The following TJP3 variants were observed in gnomAD, a reference collection of about 807,000 sequenced individuals.
TJP3 encodes tight junction protein 3, also known as tight junction protein ZO-3.
A neutral mutation model predicts 104.2 loss-of-function variants in TJP3; 85 were observed. That is an observed-to-expected ratio of 0.82 (90% confidence interval 0.68 to 0.98). The LOEUF is 0.98. Ranked by LOEUF, TJP3 falls within the 50% of genes least tolerant of loss-of-function variation. TJP3 has a pLI of 0.00. For synonymous variants in TJP3, 550 were observed against 550.6 expected (o/e 1.00, Z 0.02); for missense variants, 1,367 against 1,322.8 (o/e 1.03, Z -0.52).
intron 1 of TJP3, among the ~76,000 whole-genome samples, chr19:3,723,475 A>AT (rs954509892): frequency 6.6e-6 from 1 of 152,106 alleles, no homozygotes; most frequent in Admixed American, 6.6e-5. Flanking sequence ...AATAAAGATG[A>AT]TTTTTAGATG....
chr19:3,743,716 G>A (rs1490663477), intron 14 of TJP3: 12 of 500,256 alleles, frequency 2.4e-5, no homozygotes, highest in South Asian at 1.7e-4. Context: ...GCGGAACCCA[G>A]AAATGTACAC....
In TJP3 at chr19:3,737,357, G is replaced by T. The variant is rs192444988; in HGVS notation, c.1284+1036G>T. Among the ~76,000 whole-genome samples, 361 of 152,048 alleles carry T rather than the reference G, an allele frequency of 2.4e-3. 1 individual carries two copies. Among genetic ancestry groups the T allele is most frequent in the Middle Eastern group, 6.8e-3 (2 of 294 alleles). On this transcript the variant is annotated intron_variant, in intron 11 of 20. Transcript: ENST00000541714. ...GTTCCTGACATTGGCTGTGTTGACC[G>T]TGTCATGACCGTCTTGTATGTCCTA... is the stretch of plus-strand genomic sequence containing the variant.
Position 3,730,564 on chromosome 19 carries a change from C to A in TJP3, c.471C>A (p.Ala157=), listed in dbSNP as rs554835600. 1 of 1,606,388 alleles carries A rather than the reference C, an allele frequency of 6.2e-7. No homozygotes were observed. The highest frequency in any genetic ancestry group is 8.5e-7 in the Non-Finnish European group (1 of 1,178,380). Residue 157 remains alanine (A), a synonymous_variant, in exon 5 of 21, where the codon GCC becomes GCA. Coordinates refer to ENST00000541714, the MANE Select transcript of TJP3 (RefSeq NM_001267560.2). This position sits in a 1 kb window ranked among gnomAD's most constrained non-coding sequence, Gnocchi z 7.3. The part of the protein sequence containing the change: ...RRPRPGRRGR[A]GSHGRRSPGG... ...CGAGGCCTGGTCGCCGGGGCCGGGC[C>A]GGCAGCCATGGGCGTAGGAGCCCAG... is the stretch of plus-strand genomic sequence containing the variant.
Position 3,730,195 on chromosome 19 carries a change from G to C in TJP3, c.261+65G>C. 3 of 1,564,994 alleles carry C rather than the reference G, an allele frequency of 1.9e-6. No homozygotes were observed. The highest frequency in any genetic ancestry group is 1.8e-6 in the Non-Finnish European group (2 of 1,136,728). On this transcript the variant is annotated intron_variant, in intron 4 of 20. Transcript: ENST00000541714. The surrounding 1 kb of genome is among the most constrained non-coding windows in gnomAD (Gnocchi z 7.3). ...CCAGCCTGGGTCGTGCCGCTGTGGGGGTTGTAAGCTTCTGAGAGCAAGGAG... is the reference window on the plus strand; with the variant it reads ...CCAGCCTGGGTCGTGCCGCTGTGGGCGTTGTAAGCTTCTGAGAGCAAGGAG...
intron 19 of TJP3, 93 bp downstream of exon 19, chr19:3,748,174 G>A (rs2036932900): frequency 1.4e-6 from 2 of 1,426,034 alleles, no homozygotes; most frequent in African/African-American, 2.9e-5. Context: ...TTTCTACCAG[G>A]ACGTCAACAA....
At chr19:3,735,076 G>C (rs1480808309) in intron 8 of TJP3, among the ~76,000 whole-genome samples, 3 of 152,152 alleles carry the variant, frequency 2.0e-5, no homozygotes, top group African/African-American at 7.2e-5. Context: ...ATGTTGCCCA[G>C]GCTGGTCTTG....
intron 1 of TJP3, among the ~76,000 whole-genome samples, chr19:3,710,973 G>T (rs754970569): frequency 4.0e-5 from 6 of 149,786 alleles, no homozygotes; most frequent in Admixed American, 2.0e-4. Flanking sequence ...GCGCGATCTC[G>T]GCTCACTGCA....
chr19:3,740,773 G>A lies in TJP3; in HGVS notation c.1843+10G>A, dbSNP rs112931167. 225,918 of 1,544,576 alleles carry A rather than the reference G, an allele frequency of 0.15. 18,312 individuals carry two copies. Among genetic ancestry groups the A allele is most frequent in the Admixed American group, 0.26 (12,879 of 49,492 alleles). On this transcript the variant is annotated intron_variant, in intron 14 of 20. Transcript: ENST00000541714. ...GTGGTGTTGCGAGAAGGTGGGGCCC[G>A]GAGCTGGAGGGGCCCTGGGGAGGCC... is the stretch of plus-strand genomic sequence containing the variant.
chr19:3,730,509 G>A lies in TJP3; in HGVS notation c.416G>A (p.Gly139Asp), dbSNP rs778542044. The A allele has an allele frequency of 5.0e-6, 8 of 1,588,788 alleles. No homozygotes were observed. The South Asian group carries it at 9.0e-5, about 18-fold the overall frequency. ...GACGGCGACTCATCCAGTGGCTCCGGCCGCTCCTGGGACGAGCGCTCCCGC... is the reference window on the plus strand; with the variant it reads ...GACGGCGACTCATCCAGTGGCTCCGACCGCTCCTGGGACGAGCGCTCCCGC... Reference protein sequence around the residue: ...GYDGDSSSGSGRSWDERSRRP... With the variant: ...GYDGDSSSGSDRSWDERSRRP... The change falls in exon 5 of 21, where the codon GGC (glycine) becomes GAC (aspartate). Residue 139 changes from glycine to aspartate, a missense_variant. By Grantham distance (94) the Gly-to-Asp change is moderately conservative (BLOSUM62 -1). Transcript: ENST00000541714. This position sits in a 1 kb window ranked among gnomAD's most constrained non-coding sequence, Gnocchi z 7.3.
intron 1 of TJP3, among the ~76,000 whole-genome samples, chr19:3,727,591 G>A (rs1050584941): frequency 6.6e-6 from 1 of 151,958 alleles, no homozygotes; most frequent in African/African-American, 2.4e-5. Flanking sequence ...TTGAATCCCT[G>A]CTGCAACTCA....
At position 3,734,433 on chromosome 19, in the gene TJP3, CGT is replaced by C. The variant is rs1568383898; in HGVS notation, c.986+1_986+2del. 6.2e-7 allele frequency: 1 copy of C among 1,604,644 alleles called. No homozygotes were observed. Among genetic ancestry groups the C allele is most frequent in the South Asian group, 1.1e-5 (1 of 90,036 alleles). The part of the protein sequence containing the change: ...SPEASQTDSP[V>X]ESPRLRRESS... ...CCGAGGCCAGCCAGACCGACTCTCC[CGT>C]GTAAGTATCACCCATCGGCCAGAAT... On this transcript the variant is annotated frameshift_variant and splice_region_variant, in exon 8 of 21. Coordinates refer to ENST00000541714, the MANE Select transcript of TJP3 (RefSeq NM_001267560.2). LOFTEE classifies it high-confidence loss of function.
chr19:3,721,963 G>C lies in TJP3; in HGVS notation c.-9-6461G>C, dbSNP rs1055540862. On this transcript the variant is annotated intron_variant, in intron 1 of 20. Transcript: ENST00000541714. The stretch of plus-strand genomic sequence containing the variant: ...GGAGGGGCTCGGGCTGAGGTGGGGT[G>C]GGGGGAAAGCAGGGTTTGGGAGTCG... The C allele has an allele frequency of 2.9e-6, 3 of 1,039,450 alleles. No individual in the cohort carries two copies. In the East Asian group the frequency reaches 9.7e-5, roughly 34 times the overall value. The allele number at this position is 1,039,450 out of a possible 1,614,324, so 64.4% of individuals were successfully genotyped here. A position where few individuals can be genotyped will look rare whatever the true frequency, so the allele number is the denominator to read the frequency against.
rs1450285054 is a variant in TJP3 at position 3,711,736 on chromosome 19, C to CAA, written c.-10+3189_-10+3190dup. ...TGAAACCCTGTCTCTACTAAAAGTA[C>CAA]AAAAAAAAAAAAAAAGGTGCTTTAT... On this transcript the variant is annotated intron_variant, in intron 1 of 20. Transcript: ENST00000541714. Among the ~76,000 whole-genome samples, 26 of 24,650 alleles carry CAA rather than the reference C, an allele frequency of 1.1e-3. 1 individual carries two copies. Among genetic ancestry groups the CAA allele is most frequent in the African/African-American group, 2.9e-3 (24 of 8,346 alleles). The allele number at this position is 24,650 out of a possible 152,430, so 16.2% of individuals were successfully genotyped here. A position where few individuals can be genotyped will look rare whatever the true frequency, so the allele number is the denominator to read the frequency against.
chr19:3,722,562 G>A lies in TJP3; in HGVS notation c.-9-5862G>A, dbSNP rs768871618. On this transcript the variant is annotated intron_variant, in intron 1 of 20. Transcript: ENST00000541714. ...AGGGGTGGGGTGAGCAAGCCGGCTG[G>A]GGTGCGCCGTGGCGGGGGCGGGGCG... 4.2e-3 allele frequency among the ~76,000 whole-genome samples: 632 copies of A among 150,854 alleles called. 7 individuals carry two copies. The highest frequency in any genetic ancestry group is 6.1e-3 in the Non-Finnish European group (413 of 67,474).
intron 1 of TJP3, among the ~76,000 whole-genome samples, chr19:3,710,644 G>A (rs1467801456): frequency 6.6e-6 from 1 of 152,200 alleles, no homozygotes; most frequent in Non-Finnish European, 1.5e-5. Flanking sequence ...CTTTGGAATG[G>A]ATTGAGGTTA....
rs754295283 is a variant in TJP3, at chr19:3,750,185, G to C, written c.2657+1G>C. The C allele has an allele frequency of 1.2e-6, 2 of 1,603,146 alleles. No homozygotes were observed. Among genetic ancestry groups the C allele is most frequent in the African/African-American group, 1.4e-5 (1 of 72,408 alleles). ...GACAGTGGCGACAGGACAGCATGCG[G>C]TAAGAACCCCATATTCCAGATTGGG... is the stretch of plus-strand genomic sequence containing the variant. On this transcript the variant is annotated splice_donor_variant, in intron 20 of 20. Transcript: ENST00000541714. LOFTEE classifies it high-confidence loss of function.
At chr19:3,725,122 TGTG>T (rs1252244122) in intron 1 of TJP3, among the ~76,000 whole-genome samples, 1 of 152,024 alleles carries the variant, frequency 6.6e-6, no homozygotes, top group African/African-American at 2.4e-5. Flanking sequence ...ATATGCTGTG[TGTG>T]GTGGTGCATG....
At chr19:3,748,197 T>TGGTCA in intron 19 of TJP3, 116 bp downstream of exon 19, 2 of 1,324,486 alleles carry the variant, frequency 1.5e-6, no homozygotes, top group Non-Finnish European at 2.0e-6. Context: ...ACGGCTTCCC[T>TGGTCA]GGTCAGACTG....
Position 3,746,837 on chromosome 19 carries a change from A to T in TJP3, c.2283A>T (p.Arg761=), listed in dbSNP as rs1311961653. 1 of 1,610,718 alleles carries T rather than the reference A, an allele frequency of 6.2e-7. No homozygotes were observed. Residue 761 remains arginine, a synonymous_variant, in exon 18 of 21, where the codon CGA becomes CGT. Transcript: ENST00000541714. This position sits in a 1 kb window ranked among gnomAD's most constrained non-coding sequence, Gnocchi z 4.1. ...TWYQELKAII[R]EQQTRPIWTA... is the part of the protein sequence containing the mutation. The stretch of plus-strand genomic sequence containing the variant: ...ACCAGGAGCTCAAGGCCATCATTCG[A>T]GAGCAGCAGACGCGGCCCATCTGGA...
Sources: gnomAD v4.1 joint callset for allele counts (sites outside exome capture counted in the v4.1 genomes callset) on GRCh38, gnomAD v4.1.1 for gene constraint, Gnocchi (gnomAD v3.1) non-coding constraint, MANE v1.5 for transcripts, NCBI Gene and HGNC (gene_info 2026-07-23, HGNC 2026-07-21) for gene names.